Variants in SCUBE2 observed in about 807,000 individuals in gnomAD.
SCUBE2 encodes signal peptide, CUB and EGF-like domain-containing protein 2.
In SCUBE2, 114 loss-of-function variants were observed where a neutral mutation model predicts 125.9. The observed-to-expected ratio is 0.91, with a 90% CI of 0.78 to 1.06. The LOEUF (loss-of-function observed/expected upper bound fraction) is 1.06, where lower values mean the gene tolerates loss of function less well. Among genes scored for constraint, SCUBE2 ranks in the 50% least tolerant of loss-of-function variants. The pLI is 0.00. For missense variants in SCUBE2, 1,255 were observed against 1,301.8 expected (o/e 0.96, Z 0.55); for synonymous variants, 459 against 492.9 (o/e 0.93, Z 0.91).
intron 20 of SCUBE2, 91 bp downstream of exon 20, chr11:9,027,273 C>A: frequency 7.9e-7 from 1 of 1,269,228 alleles, no homozygotes; most frequent in South Asian, 1.3e-5. Flanking sequence ...AGGTGACGTT[C>A]TAGGCCTGCC....
Position 9,075,198 on chromosome 11 carries a change from C to T in SCUBE2, c.383-583G>A, listed in dbSNP as rs368967893. ...CTCCAGCCTGGGCCTCAGAGCGAGACGCCATCTAAAAAAAAAAAAAAAAAA... is the reference window on the plus strand; with the variant it reads ...CTCCAGCCTGGGCCTCAGAGCGAGATGCCATCTAAAAAAAAAAAAAAAAAA... On this transcript the variant is annotated intron_variant, in intron 3 of 22. Coordinates refer to ENST00000649792, the MANE Select transcript of SCUBE2 (RefSeq NM_001367977.2). Among the ~76,000 whole-genome samples, 77 of 100,538 alleles carry T rather than the reference C, an allele frequency of 7.7e-4. 1 individual carries two copies. Among genetic ancestry groups the T allele is most frequent in the African/African-American group, 2.8e-3 (67 of 23,936 alleles). The allele number at this position is 100,538 out of a possible 152,430, so 66.0% of individuals were successfully genotyped here.
Position 9,065,353 on chromosome 11 carries a change from T to A in SCUBE2, c.850+538A>T, listed in dbSNP as rs1363336551. Among the ~76,000 whole-genome samples the A allele has an allele frequency of 2.6e-5, 4 of 152,100 alleles. No individual in the cohort carries two copies. In the East Asian group the frequency reaches 7.7e-4, roughly 29 times the overall value. On this transcript the variant is annotated intron_variant, in intron 7 of 22. Coordinates refer to ENST00000649792, the MANE Select transcript of SCUBE2 (RefSeq NM_001367977.2). ...TCATGAGATCTCATGGTTTTACAAG[T>A]GTTTGGTAGTTCCTCCTGCATTTAT...
rs1210852364 is a variant in SCUBE2, at chr11:9,054,701, G to GTA, written c.1208-944_1208-943dup. Among the ~76,000 whole-genome samples, 92 of 51,068 alleles carry GTA rather than the reference G, an allele frequency of 1.8e-3. 2 individuals are homozygous for GTA. Among genetic ancestry groups the GTA allele is most frequent in the African/African-American group, 3.9e-3 (40 of 10,276 alleles). 33.5% of individuals were successfully genotyped at this position (51,068 alleles called of 152,430 possible). A position where few individuals can be genotyped will look rare whatever the true frequency, so the allele number is the denominator to read the frequency against. ...TAACTGTCAGTAGCAAAGCACTAGT[G>GTA]TATATATATATATATATATATATAT... On this transcript the variant is annotated intron_variant, in intron 10 of 22. Coordinates refer to ENST00000649792, the MANE Select transcript of SCUBE2 (RefSeq NM_001367977.2).
chr11:9,042,265 A>G (rs1857323710), intron 16 of SCUBE2, among the ~76,000 whole-genome samples: 1 of 152,038 alleles, frequency 6.6e-6, no homozygotes, highest in South Asian at 2.1e-4. Flanking sequence ...CAGCGGCAGC[A>G]TCCTACAGCT....
chr11:9,037,177 G>A (rs1482509412), intron 16 of SCUBE2, among the ~76,000 whole-genome samples: 1 of 152,230 alleles, frequency 6.6e-6, no homozygotes, highest in African/African-American at 2.4e-5. Context: ...ACACGTTCCA[G>A]TGGCTTCTCT....
At chr11:9,054,701 G>GTATATATATA (rs1210852364) in intron 10 of SCUBE2, among the ~76,000 whole-genome samples, 3 of 51,078 alleles carry the variant, frequency 5.9e-5, no homozygotes, top group South Asian at 7.9e-4. Context: ...AAGCACTAGT[G>GTATATATATA]TATATATATA....
intron 21 of SCUBE2, chr11:9,024,159 T>A: frequency 9.5e-7 from 1 of 1,050,528 alleles, no homozygotes; most frequent in Non-Finnish European, 1.2e-6. Flanking sequence ...TACAACTCTT[T>A]TTCATTTTAA....
At chr11:9,089,226 T>G (rs1226246956) in intron 2 of SCUBE2, among the ~76,000 whole-genome samples, 2 of 152,184 alleles carry the variant, frequency 1.3e-5, no homozygotes, top group African/African-American at 4.8e-5. Context: ...CTCTGAAGCT[T>G]GGCACGTCAC....
chr11:9,061,272 T>G (rs995678561), intron 7 of SCUBE2, among the ~76,000 whole-genome samples: 1 of 151,368 alleles, frequency 6.6e-6, no homozygotes, highest in African/African-American at 2.4e-5. Context: ...GGGTGGGGGG[T>G]GGTGGCGAGG....
chr11:9,058,330 G>C (rs1242855456), intron 9 of SCUBE2, among the ~76,000 whole-genome samples: 7 of 152,058 alleles, frequency 4.6e-5, no homozygotes, highest in Admixed American at 2.0e-4. Flanking sequence ...AGGCGCAGTG[G>C]CTCACACCTG....
chr11:9,047,412 G>T lies in SCUBE2; in HGVS notation c.1946C>A (p.Ser649Tyr). 1 of 1,614,178 alleles carries T rather than the reference G, an allele frequency of 6.2e-7. No homozygotes were observed. The highest frequency in any genetic ancestry group is 8.5e-7 in the Non-Finnish European group (1 of 1,180,038). ...LDVAKKPPRT[S>Y]ERQAESCGVG... ...TCCACAGGACTCTGCCTGGCGTTCA[G>T]ATGTTCTGGGAGGCTTTTTAGCCAC... Residue 649 changes from serine to tyrosine, a missense_variant, in exon 16 of 23, where the codon TCT (serine) becomes TAT (tyrosine). Around this residue, in one of 3 missense-constraint regions of SCUBE2, gnomAD observed 515 missense variants for 515.7 expected, o/e 1.00. Coordinates refer to ENST00000649792, the MANE Select transcript of SCUBE2 (RefSeq NM_001367977.2).
chr11:9,062,649 A>C (rs1437825699), intron 7 of SCUBE2, among the ~76,000 whole-genome samples: 1 of 152,214 alleles, frequency 6.6e-6, no homozygotes, highest in Non-Finnish European at 1.5e-5. Context: ...TAATTTCCTC[A>C]GGGGGACAAG....
At chr11:9,081,610 A>G (rs1309488535) in intron 2 of SCUBE2, among the ~76,000 whole-genome samples, 1 of 152,196 alleles carries the variant, frequency 6.6e-6, no homozygotes, top group African/African-American at 2.4e-5. Flanking sequence ...GCTTGAGACC[A>G]GGAGTTTGAG....
At chr11:9,075,080 G>T (rs1861111028) in intron 3 of SCUBE2, among the ~76,000 whole-genome samples, 1 of 151,956 alleles carries the variant, frequency 6.6e-6, no homozygotes, top group Non-Finnish European at 1.5e-5. Context: ...GCTAGGCATG[G>T]TGGCACATGC....
At chr11:9,055,689 C>G (rs1859010739) in intron 10 of SCUBE2, 104 bp downstream of exon 10, 1 of 820,566 alleles carries the variant, frequency 1.2e-6, no homozygotes, top group Non-Finnish European at 2.1e-6. Context: ...CTGCAATGTA[C>G]CTTTCATACC....
chr11:9,025,635 G>C (rs780754110), intron 21 of SCUBE2, 67 bp downstream of exon 21: 25 of 1,559,682 alleles, frequency 1.6e-5, no homozygotes, highest in Non-Finnish European at 1.9e-5. Flanking sequence ...CAGTTTGCCA[G>C]CTGGCTCCGA....
chr11:9,082,700 C>G (rs1050504272), intron 2 of SCUBE2, among the ~76,000 whole-genome samples: 74 of 152,272 alleles, frequency 4.9e-4, no homozygotes, highest in African/African-American at 1.7e-3. Context: ...AAGCATTTTG[C>G]TAAGTGAAAG....
chr11:9,050,553 G>C, intron 14 of SCUBE2, 53 bp downstream of exon 14: 1 of 1,416,980 alleles, frequency 7.1e-7, no homozygotes, highest in Non-Finnish European at 1.0e-6. Flanking sequence ...GCTGGCTGCA[G>C]GCCCCTTCCC....
Position 9,021,060 on chromosome 11 carries a change from CA to C in SCUBE2, c.3071del (p.Leu1024Ter). ...GTGGGCTGAGTCATTTGTAAGGTCT[CA>C]AAAACCTGGACACTTTGGAACGTAG... is the stretch of plus-strand genomic sequence containing the variant. ...RLLRSKVSRF[L>X]RPYK On this transcript the variant is annotated frameshift_variant, in exon 23 of 23. Transcript: ENST00000649792. LOFTEE classifies it high-confidence loss of function. The C allele has an allele frequency of 6.2e-7, 1 of 1,613,344 alleles. No individual in the cohort carries two copies. The highest frequency in any genetic ancestry group is 1.1e-5 in the South Asian group (1 of 90,828).
Sources: gnomAD v4.1 joint callset for allele counts (sites outside exome capture counted in the v4.1 genomes callset) on GRCh38, gnomAD v4.1.1 for gene constraint, gnomAD v4.1.1 regional missense constraint, MANE v1.5 for transcripts, NCBI Gene and HGNC (gene_info 2026-07-23, HGNC 2026-07-21) for gene names.